Variants in CUX2 observed in about 807,000 individuals in gnomAD.
CUX2 encodes homeobox protein cut-like 2.
CUX2 carries 40 observed loss-of-function variants against 144.8 expected under a neutral mutation model. The observed-to-expected ratio is 0.28, with a 90% CI of 0.21 to 0.36. CUX2 has a LOEUF of 0.36. Among genes scored for constraint, CUX2 ranks in the 10% least tolerant of loss-of-function variants. The pLI is 1.00. For missense variants in CUX2, 1,615 were observed against 1,994.0 expected (o/e 0.81, Z 3.62); for synonymous variants, 827 against 875.6 (o/e 0.94, Z 0.98).
At chr12:111,260,115 A>G (rs1884037501) in intron 3 of CUX2, among the ~76,000 whole-genome samples, 1 of 150,216 alleles carries the variant, frequency 6.7e-6, no homozygotes. Flanking sequence ...GTGAGCCGAG[A>G]TCACACCACT....
At position 111,093,378 on chromosome 12, in the gene CUX2, C is replaced by T. The variant is rs115525494; in HGVS notation, c.63+59138C>T. 6.4e-3 allele frequency among the ~76,000 whole-genome samples: 970 copies of T among 152,144 alleles called. 12 individuals carry two copies. Among genetic ancestry groups the T allele is most frequent in the African/African-American group, 0.022 (914 of 41,476 alleles). On this transcript the variant is annotated intron_variant, in intron 1 of 21. Transcript: ENST00000261726. ...GCATCTCCTGCCCCTCACACCACGG[C>T]GACTTGAGATTTTTACACAGACGAG... is the stretch of plus-strand genomic sequence containing the variant.
rs1871099570 is a variant in CUX2 at position 111,068,162 on chromosome 12, T to G, written c.63+33922T>G. ...GTTCTGCATAGTTCTCCCCGCTTTA[T>G]CTTTGATCTCAAAAAAAGATCATCT... is the stretch of plus-strand genomic sequence containing the variant. On this transcript the variant is annotated intron_variant, in intron 1 of 21. Transcript: ENST00000261726. This position sits in a 1 kb window ranked among gnomAD's most constrained non-coding sequence, Gnocchi z 4.9. 6.6e-6 allele frequency among the ~76,000 whole-genome samples: 1 copy of G among 152,170 alleles called. No individual in the cohort carries two copies. Among genetic ancestry groups the G allele is most frequent in the African/African-American group, 2.4e-5 (1 of 41,428 alleles).
chr12:111,197,383 C>T (rs962502939), intron 1 of CUX2, among the ~76,000 whole-genome samples: 3 of 152,220 alleles, frequency 2.0e-5, no homozygotes, highest in African/African-American at 7.2e-5. Context: ...TCCGTGAAAG[C>T]TGGGATGTTA....
intron 9 of CUX2, among the ~76,000 whole-genome samples, chr12:111,302,947 C>T (rs1886366363): frequency 6.8e-6 from 1 of 146,248 alleles, no homozygotes; most frequent in African/African-American, 2.5e-5. Flanking sequence ...ACCAGCTGGG[C>T]ACAGTAGCTC....
chr12:111,335,920 TA>T (rs57479156), intron 19 of CUX2, among the ~76,000 whole-genome samples: 5,787 of 139,732 alleles, frequency 0.041, 233 homozygotes, highest in East Asian at 0.21. Context: ...AAAGTTAAAT[TA>T]AAAAAAAAAA....
At chr12:111,194,815 G>A (rs1325540649) in intron 1 of CUX2, among the ~76,000 whole-genome samples, 1 of 152,250 alleles carries the variant, frequency 6.6e-6, no homozygotes, top group Non-Finnish European at 1.5e-5. Flanking sequence ...AGCAGATCCA[G>A]TTCGCGAGCA....
intron 16 of CUX2, 21 bp from the exon 17 acceptor site, chr12:111,319,991 G>A (rs1660709385): frequency 3.4e-6 from 5 of 1,481,782 alleles, no homozygotes; most frequent in African/African-American, 2.9e-5. Flanking sequence ...GCCTCGGGCC[G>A]TCCTGTCCCC....
At chr12:111,335,580 A>G (rs1888316132) in intron 19 of CUX2, among the ~76,000 whole-genome samples, 1 of 151,726 alleles carries the variant, frequency 6.6e-6, no homozygotes, top group Non-Finnish European at 1.5e-5. Context: ...GTGTGGTGGC[A>G]TGCACTTGGA....
At chr12:111,269,655 G>A (rs577254187) in intron 4 of CUX2, among the ~76,000 whole-genome samples, 6 of 152,148 alleles carry the variant, frequency 3.9e-5, no homozygotes, top group South Asian at 2.1e-4. Flanking sequence ...ACTTGGAAAC[G>A]AGCCCTCATT....
intron 1 of CUX2, among the ~76,000 whole-genome samples, chr12:111,095,131 T>C (rs1488045706): frequency 6.6e-6 from 1 of 152,108 alleles, no homozygotes; most frequent in Non-Finnish European, 1.5e-5. Flanking sequence ...TGACTAGCCA[T>C]GTGTTTTCCT....
At chr12:111,055,780 C>A (rs1054244611) in intron 1 of CUX2, among the ~76,000 whole-genome samples, 32 of 152,354 alleles carry the variant, frequency 2.1e-4, no homozygotes, top group African/African-American at 7.7e-4. Context: ...GCTGGCCCAG[C>A]CTCCCTACAG....
rs1481240900 is a variant in CUX2, at chr12:111,035,648, G to A, written c.63+1408G>A. On this transcript the variant is annotated intron_variant, in intron 1 of 21. Coordinates refer to ENST00000261726, the MANE Select transcript of CUX2 (RefSeq NM_015267.4). This position sits in a 1 kb window ranked among gnomAD's most constrained non-coding sequence, Gnocchi z 6.0. ...TTTTTTTAATCCGCCGGCAAATCTC[G>A]TTAAGTTTCTTCTGATAAGTGGTTC... Among the ~76,000 whole-genome samples, 1 of 144,226 alleles carries A rather than the reference G, an allele frequency of 6.9e-6. No homozygotes were observed. The highest frequency in any genetic ancestry group is 1.5e-5 in the Non-Finnish European group (1 of 67,278). The allele number at this position is 144,226 out of a possible 152,430, so 94.6% of individuals were successfully genotyped here.
intron 1 of CUX2, among the ~76,000 whole-genome samples, chr12:111,095,356 G>A (rs182077834): frequency 5.5e-4 from 84 of 152,314 alleles, no homozygotes; most frequent in Non-Finnish European, 4.4e-5. Context: ...CTATTCTGGA[G>A]GCTGAGGTGG....
chr12:111,045,086 GCCAGTTAATGT>G (rs1344732534), intron 1 of CUX2, among the ~76,000 whole-genome samples: 6 of 152,234 alleles, frequency 3.9e-5, no homozygotes, highest in African/African-American at 1.4e-4. Context: ...ACACAAGACA[GCCAGTTAATGT>G]CCTCGGACCC....
chr12:111,119,581 G>C (rs896967556), intron 1 of CUX2, among the ~76,000 whole-genome samples: 1 of 152,184 alleles, frequency 6.6e-6, no homozygotes. Context: ...AGTTTTAACT[G>C]TACTTACTCA....
chr12:111,229,623 T>G (rs1204440740), intron 3 of CUX2, among the ~76,000 whole-genome samples: 1 of 151,970 alleles, frequency 6.6e-6, no homozygotes, highest in Non-Finnish European at 1.5e-5. Flanking sequence ...TTTGCCTGGC[T>G]GGGTATGGTG....
At chr12:111,213,256 A>C (rs1881330784) in intron 1 of CUX2, among the ~76,000 whole-genome samples, 2 of 152,244 alleles carry the variant, frequency 1.3e-5, no homozygotes, top group African/African-American at 2.4e-5. Flanking sequence ...AGCCGACCAC[A>C]TAAACAGAGC....
chr12:111,317,034 T>G (rs1373389095), intron 16 of CUX2, among the ~76,000 whole-genome samples: 2 of 152,230 alleles, frequency 1.3e-5, no homozygotes, highest in African/African-American at 4.8e-5. Flanking sequence ...TTTGTAAGGC[T>G]TATTCCTGTT....
Position 111,293,016 on chromosome 12 carries a change from G to A in CUX2, c.437-430G>A, listed in dbSNP as rs561614911. Among the ~76,000 whole-genome samples the A allele has an allele frequency of 6.6e-5, 10 of 152,140 alleles. No individual in the cohort carries two copies. Among genetic ancestry groups the A allele is most frequent in the African/African-American group, 1.9e-4 (8 of 41,496 alleles). On this transcript the variant is annotated intron_variant, in intron 5 of 21. Coordinates refer to ENST00000261726, the MANE Select transcript of CUX2 (RefSeq NM_015267.4). This position sits in a 1 kb window ranked among gnomAD's most constrained non-coding sequence, Gnocchi z 4.5. The stretch of plus-strand genomic sequence containing the variant: ...CAGGCACCTATAATCCCAGGTACTC[G>A]GGAGGCTGAGGCGGGAGAATCGCTT...
Sources: allele counts gnomAD v4.1 joint callset (sites outside exome capture counted in the v4.1 genomes callset), GRCh38; gene constraint gnomAD v4.1.1; non-coding constraint Gnocchi (gnomAD v3.1); transcripts MANE v1.5; gene names NCBI Gene and HGNC (gene_info 2026-07-23, HGNC 2026-07-21).